LPCAT1: variants seen among roughly 807,000 people sequenced by gnomAD.
LPCAT1 encodes 1-acylglycerol-3-phosphate O-acyltransferase.
In LPCAT1, 23 loss-of-function variants were observed where a neutral mutation model predicts 60.9. That is an observed-to-expected ratio of 0.38 (90% CI 0.27 to 0.53). The LOEUF (loss-of-function observed/expected upper bound fraction) is 0.53. Ranked by LOEUF, LPCAT1 falls within the 20% of genes least tolerant of loss-of-function variation. LPCAT1 has a pLI of 0.82. For missense variants in LPCAT1, 622 were observed against 723.6 expected (o/e 0.86, Z 1.61); for synonymous variants, 340 against 301.1 (o/e 1.13, Z -1.34).
rs1736729985 is a variant in LPCAT1 at position 1,523,308 on chromosome 5, G to A, written c.135+402C>T. Among the ~76,000 whole-genome samples, 1 of 151,936 alleles carries A rather than the reference G, an allele frequency of 6.6e-6. No homozygotes were observed. Among genetic ancestry groups the A allele is most frequent in the African/African-American group, 2.4e-5 (1 of 41,420 alleles). On this transcript the variant is annotated intron_variant, in intron 1 of 13. Transcript: ENST00000283415. The surrounding 1 kb of genome is among the most constrained non-coding windows in gnomAD (Gnocchi z 7.1). ...CCAAGGCGGGCGGGGCCCGGACCAG[G>A]GACGAGCGCGGGGACCGGCGATGCG...
At position 1,462,046 on chromosome 5, in the gene LPCAT1, GTGAT is replaced by G. The variant is rs1237830110; in HGVS notation, c.*1601_*1604del. On this transcript the variant is annotated 3_prime_UTR_variant, in exon 14 of 14. Transcript: ENST00000283415. The stretch of plus-strand genomic sequence containing the variant: ...TGTCCATGCTAAAAAACAAGTCGAG[GTGAT>G]TGATTGAAACGGAGCTGAAGGTTGT... 6.6e-5 allele frequency: 10 copies of G among 152,588 alleles called. No individual in the cohort carries two copies. The highest frequency in any genetic ancestry group is 1.3e-4 in the Non-Finnish European group (9 of 68,036). The allele number at this position is 152,588 out of a possible 1,614,324, so 9.5% of individuals were successfully genotyped here.
chr5:1,518,722 A>T (rs565162303), intron 1 of LPCAT1, among the ~76,000 whole-genome samples: 7 of 152,358 alleles, frequency 4.6e-5, no homozygotes, highest in Admixed American at 1.3e-4. Context: ...AGCAGAACCC[A>T]CATGGCCCTG....
chr5:1,494,039 C>T lies in LPCAT1; in HGVS notation c.493+661G>A, dbSNP rs116502218. On this transcript the variant is annotated intron_variant, in intron 3 of 13. Transcript: ENST00000283415. ...CCGCACAGGGCCTTCGGCCCAGAGA[C>T]GCCTTGATTTTGAACATCTGGTCCC... Among the ~76,000 whole-genome samples, 297 of 152,350 alleles carry T rather than the reference C, an allele frequency of 1.9e-3. 1 individual carries two copies. Among genetic ancestry groups the T allele is most frequent in the Non-Finnish European group, 3.1e-3 (210 of 68,032 alleles).
intron 1 of LPCAT1, among the ~76,000 whole-genome samples, chr5:1,508,670 C>T (rs951266868): frequency 2.0e-5 from 3 of 152,332 alleles, no homozygotes; most frequent in South Asian, 2.1e-4. Flanking sequence ...GAGAAAGACA[C>T]TTGACATATG....
chr5:1,463,312 C>A lies in LPCAT1; in HGVS notation c.*339G>T. ...GAGGCCCGCCCGGTGCACGCTGCCG[C>A]CGGAAGAGGCTGTGACAGAGACTCG... is the stretch of plus-strand genomic sequence containing the variant. On this transcript the variant is annotated 3_prime_UTR_variant, in exon 14 of 14. Transcript: ENST00000283415. 3 of 255,204 alleles carry A rather than the reference C, an allele frequency of 1.2e-5. No homozygotes were observed. The highest frequency in any genetic ancestry group is 8.0e-5 in the East Asian group (1 of 12,502). The allele number at this position is 255,204 out of a possible 1,614,324, so 15.8% of individuals were successfully genotyped here. A position where few individuals can be genotyped will look rare whatever the true frequency, so the allele number is the denominator to read the frequency against.
intron 1 of LPCAT1, among the ~76,000 whole-genome samples, chr5:1,505,700 G>A (rs997495448): frequency 5.3e-5 from 8 of 152,056 alleles, no homozygotes; most frequent in Admixed American, 1.3e-4. Flanking sequence ...AAGACTGGGC[G>A]ACCACCTGAG....
At chr5:1,468,001 G>T (rs370761774) in intron 12 of LPCAT1, among the ~76,000 whole-genome samples, 1 of 152,088 alleles carries the variant, frequency 6.6e-6, no homozygotes, top group East Asian at 1.9e-4. Context: ...CCGAGAAGTG[G>T]GCTGCCTGGG....
At position 1,487,023 on chromosome 5, in the gene LPCAT1, C is replaced by G. The variant is rs1237176768; in HGVS notation, c.667+1368G>C. On this transcript the variant is annotated intron_variant, in intron 5 of 13. Transcript: ENST00000283415. This position sits in a 1 kb window ranked among gnomAD's most constrained non-coding sequence, Gnocchi z 6.1. Reference sequence around the variant, plus strand: ...CTCACACGCCCTCCTCACGTCTACACAAGGGCCGCCAGCTCCAAAGGGCAA... The same window carrying G: ...CTCACACGCCCTCCTCACGTCTACAGAAGGGCCGCCAGCTCCAAAGGGCAA... Among the ~76,000 whole-genome samples the G allele has an allele frequency of 6.6e-6, 1 of 152,224 alleles. No individual in the cohort carries two copies. Among genetic ancestry groups the G allele is most frequent in the African/African-American group, 2.4e-5 (1 of 41,460 alleles).
At chr5:1,501,968 G>A (rs993201821) in intron 1 of LPCAT1, among the ~76,000 whole-genome samples, 1 of 151,890 alleles carries the variant, frequency 6.6e-6, no homozygotes, top group Non-Finnish European at 1.5e-5. Context: ...CACTGACCAA[G>A]GCTGACCAAC....
intron 1 of LPCAT1, among the ~76,000 whole-genome samples, chr5:1,513,098 C>T (rs902671471): frequency 2.0e-5 from 3 of 152,186 alleles, no homozygotes; most frequent in Non-Finnish European, 4.4e-5. Context: ...GCATCACAGC[C>T]GATGCCCCAG....
rs76312254 is a variant in LPCAT1 at position 1,484,216 on chromosome 5, C to T, written c.668-730G>A. Reference sequence around the variant, plus strand: ...AGCCCCAGCGAGGCCCAGCTAGAGCCACAGGCCGCAGAGGCTCAGGAACTT... The same window carrying T: ...AGCCCCAGCGAGGCCCAGCTAGAGCTACAGGCCGCAGAGGCTCAGGAACTT... On this transcript the variant is annotated intron_variant, in intron 5 of 13. Transcript: ENST00000283415. Among the ~76,000 whole-genome samples the T allele has an allele frequency of 5.3e-3, 813 of 152,334 alleles. 2 individuals carry two copies. Among genetic ancestry groups the T allele is most frequent in the Admixed American group, 7.8e-3 (120 of 15,306 alleles).
chr5:1,472,693 C>T (rs984280452), intron 11 of LPCAT1, among the ~76,000 whole-genome samples: 1 of 151,676 alleles, frequency 6.6e-6, no homozygotes, highest in African/African-American at 2.4e-5. Context: ...TGTGGTAAAG[C>T]GCCTGAGTGC....
At position 1,494,851 on chromosome 5, in the gene LPCAT1, C is replaced by T. The variant is rs746327040; in HGVS notation, c.342G>A (p.Arg114=). ...RTMWFAGGFH[R]VAVKGRQALP... ...GCGCCTGCCGCCCCTTCACGGCCAC[C>T]CGGTGGAAGCCGCCGGCGAACCACA... Residue 114 remains arginine (R), a synonymous_variant, in exon 3 of 14, where the codon CGG becomes CGA. Coordinates refer to ENST00000283415, the MANE Select transcript of LPCAT1 (RefSeq NM_024830.5). The T allele has an allele frequency of 6.8e-6, 11 of 1,613,036 alleles. No homozygotes were observed. The highest frequency in any genetic ancestry group is 3.3e-4 in the Middle Eastern group (2 of 6,060).
At position 1,521,313 on chromosome 5, in the gene LPCAT1, C is replaced by A. The variant is rs148112022; in HGVS notation, c.135+2397G>T. 9 of 985,102 alleles carry A rather than the reference C, an allele frequency of 9.1e-6. No homozygotes were observed. The highest frequency in any genetic ancestry group is 9.6e-6 in the Non-Finnish European group (8 of 829,750). 61.0% of individuals were successfully genotyped at this position (985,102 alleles called of 1,614,324 possible). A position where few individuals can be genotyped will look rare whatever the true frequency, so the allele number is the denominator to read the frequency against. ...AAGACACACAGCAGCCCCTCCCAGGCGGCAAATGCTCACAGGTAAATGCAG... is the reference window on the plus strand; with the variant it reads ...AAGACACACAGCAGCCCCTCCCAGGAGGCAAATGCTCACAGGTAAATGCAG... On this transcript the variant is annotated intron_variant, in intron 1 of 13. Transcript: ENST00000283415. This position sits in a 1 kb window ranked among gnomAD's most constrained non-coding sequence, Gnocchi z 4.3.
chr5:1,463,546 C>T lies in LPCAT1; in HGVS notation c.*105G>A. On this transcript the variant is annotated 3_prime_UTR_variant, in exon 14 of 14. Coordinates refer to ENST00000283415, the MANE Select transcript of LPCAT1 (RefSeq NM_024830.5). The stretch of plus-strand genomic sequence containing the variant: ...CCTGGAACTCGGGCTGAAGACAGTG[C>T]CTGTACAGCAGGAGTGAGGAGCGGA... 1 of 1,256,848 alleles carries T rather than the reference C, an allele frequency of 8.0e-7. No homozygotes were observed. The highest frequency in any genetic ancestry group is 2.5e-5 in the East Asian group (1 of 40,620). The allele number at this position is 1,256,848 out of a possible 1,614,324, so 77.9% of individuals were successfully genotyped here. A position where few individuals can be genotyped will look rare whatever the true frequency, so the allele number is the denominator to read the frequency against.
At chr5:1,478,726 A>G (rs1490441864) in intron 8 of LPCAT1, among the ~76,000 whole-genome samples, 1 of 152,286 alleles carries the variant, frequency 6.6e-6, no homozygotes, top group Non-Finnish European at 1.5e-5. Context: ...GTGCTCTCCA[A>G]TATTTACTGG....
Position 1,495,061 on chromosome 5 carries a change from TG to T in LPCAT1, c.279-148del. ...GGTCGCCGCCGCTGGGACATCTGCT[TG>T]AGGGAAGAAAAGACGCCGCGCCTTC... On this transcript the variant is annotated intron_variant, in intron 2 of 13. Coordinates refer to ENST00000283415, the MANE Select transcript of LPCAT1 (RefSeq NM_024830.5). The surrounding 1 kb of genome is among the most constrained non-coding windows in gnomAD (Gnocchi z 4.7). 1.4e-6 allele frequency: 1 copy of T among 713,630 alleles called. No individual in the cohort carries two copies. The highest frequency in any genetic ancestry group is 2.9e-5 in the Admixed American group (1 of 34,244). The allele number at this position is 713,630 out of a possible 1,614,324, so 44.2% of individuals were successfully genotyped here. A position where few individuals can be genotyped will look rare whatever the true frequency, so the allele number is the denominator to read the frequency against.
intron 11 of LPCAT1, among the ~76,000 whole-genome samples, chr5:1,471,286 C>A (rs1734658379): frequency 6.6e-6 from 1 of 152,222 alleles, no homozygotes; most frequent in Non-Finnish European, 1.5e-5. Flanking sequence ...CTGTTTATGG[C>A]AACCCATTCA....
intron 1 of LPCAT1, among the ~76,000 whole-genome samples, chr5:1,516,359 C>T (rs1014156036): frequency 1.3e-5 from 2 of 152,180 alleles, no homozygotes; most frequent in African/African-American, 4.8e-5. Flanking sequence ...CATGACTCTT[C>T]CCTGATGGAG....
Sources: allele counts gnomAD v4.1 joint callset (sites outside exome capture counted in the v4.1 genomes callset), GRCh38; gene constraint gnomAD v4.1.1; non-coding constraint Gnocchi (gnomAD v3.1); transcripts MANE v1.5; gene names NCBI Gene and HGNC (gene_info 2026-07-23, HGNC 2026-07-21).